PTPA: variants seen among roughly 807,000 people sequenced by gnomAD.
PTPA encodes the protein serine/threonine-protein phosphatase 2A activator.
A neutral mutation model predicts 43.6 loss-of-function variants in PTPA; 13 were observed. The ratio of observed to expected loss-of-function variants is 0.30; its 90% CI spans 0.19 to 0.47. The LOEUF is 0.47. PTPA is among the 20% of genes least tolerant of loss of function. The probability of loss-of-function intolerance (pLI) is 0.99; values close to 1 mark genes in which losing one functional copy is unlikely to be tolerated. For synonymous variants in PTPA, 172 were observed against 158.2 expected, an observed-to-expected ratio of 1.09 and a Z score of -0.66; for missense variants, 329 against 411.9, an observed-to-expected ratio of 0.80 and a Z score of 1.74.
chr9:129,124,933 C>T (rs1849480942), intron 3 of PTPA, among the ~76,000 whole-genome samples: 1 of 152,238 alleles, frequency 6.6e-6, no homozygotes, highest in Admixed American at 6.5e-5. Flanking sequence ...TGACCTAGGT[C>T]CTGTTCTGTC....
intron 1 of PTPA, among the ~76,000 whole-genome samples, chr9:129,113,049 G>A (rs1433102763): frequency 3.0e-5 from 4 of 134,114 alleles, no homozygotes; most frequent in African/African-American, 9.0e-5. Context: ...AACGATGGCT[G>A]ATGAGCTAAA....
chr9:129,119,568 G>C (rs1483329032), intron 1 of PTPA: 2 of 152,082 alleles, frequency 1.3e-5, no homozygotes, highest in African/African-American at 4.8e-5. Context: ...ACCACGCCTG[G>C]CTAATTTTTT....
At chr9:129,120,214 C>T (rs17508750) in intron 1 of PTPA, among the ~76,000 whole-genome samples, 15,324 of 151,226 alleles carry the variant, frequency 0.1, 2,521 homozygotes, top group African/African-American at 0.35. Flanking sequence ...GCTGAGATCG[C>T]GCCACTGCAC....
intron 9 of PTPA, among the ~76,000 whole-genome samples, chr9:129,145,471 T>G (rs1851235638): frequency 6.6e-6 from 1 of 152,126 alleles, no homozygotes; most frequent in Admixed American, 6.5e-5. Flanking sequence ...GGAGAGGGCT[T>G]GTTTTCTCAG....
intron 9 of PTPA, among the ~76,000 whole-genome samples, chr9:129,146,624 G>C (rs1173165810): frequency 6.6e-6 from 1 of 152,214 alleles, no homozygotes; most frequent in Non-Finnish European, 1.5e-5. Context: ...CGGCTCCTGT[G>C]AGAGCTAGTG....
upstream of PTPA, chr9:129,111,134 T>C (rs1210527713): frequency 7.7e-7 from 1 of 1,299,820 alleles, no homozygotes; most frequent in African/African-American, 1.5e-5. Context: ...TCCTCTAATA[T>C]TCCTTGGGTT....
chr9:129,144,498 G>A (rs2131631186), intron 9 of PTPA, among the ~76,000 whole-genome samples: 1 of 152,176 alleles, frequency 6.6e-6, no homozygotes, highest in African/African-American at 2.4e-5. Context: ...CAGCACTTTG[G>A]GAGGCCGAGG....
intron 3 of PTPA, among the ~76,000 whole-genome samples, chr9:129,126,127 C>A (rs1003990181): frequency 1.3e-5 from 2 of 151,728 alleles, no homozygotes; most frequent in African/African-American, 4.8e-5. Flanking sequence ...CCAGCCCAGG[C>A]GACAGTGCGA....
chr9:129,131,607 T>C lies in PTPA; in HGVS notation c.428T>C (p.Val143Ala). ...PEVAVYLKES[V>A]GNSTRIDYGT... is the part of the protein sequence containing the mutation. The stretch of plus-strand genomic sequence containing the variant: ...GTGGCTGTTTACCTAAAGGAGTCAG[T>C]GGGGAACTCCACGCGCATTGACTAC... The change falls in exon 5 of 10, where the codon GTG becomes GCG. Residue 143 changes from valine (V) to alanine (A), a missense_variant. Val to Ala is a moderately conservative substitution (Grantham distance 64). Coordinates refer to ENST00000393370, the MANE Select transcript of PTPA (RefSeq NM_178000.3). 2.5e-6 allele frequency: 4 copies of C among 1,614,146 alleles called. No homozygotes were observed. Among genetic ancestry groups the C allele is most frequent in the Non-Finnish European group, 3.4e-6 (4 of 1,180,004 alleles).
intron 1 of PTPA, among the ~76,000 whole-genome samples, chr9:129,112,356 A>G (rs1029162194): frequency 2.0e-5 from 3 of 152,150 alleles, no homozygotes; most frequent in African/African-American, 7.2e-5. Context: ...TTGCCGACCT[A>G]CCTTGAACTA....
At chr9:129,125,668 T>C (rs963859797) in intron 3 of PTPA, among the ~76,000 whole-genome samples, 7 of 152,130 alleles carry the variant, frequency 4.6e-5, no homozygotes, top group African/African-American at 1.7e-4. Context: ...TGTTTCCTCA[T>C]CTGTAGAGTG....
At chr9:129,120,777 T>A in intron 2 of PTPA, 167 bp downstream of exon 2, 1 of 618,050 alleles carries the variant, frequency 1.6e-6, no homozygotes, top group Non-Finnish European at 2.8e-6. Context: ...TCAGAGGCAG[T>A]ACTCAGAGAT....
intron 1 of PTPA, among the ~76,000 whole-genome samples, chr9:129,118,845 T>G (rs1849065660): frequency 6.7e-6 from 1 of 150,332 alleles, no homozygotes; most frequent in Non-Finnish European, 1.5e-5. Context: ...ATTAAACACC[T>G]TTGTGTTTCC....
At chr9:129,132,788 G>A (rs904178350) in intron 5 of PTPA, among the ~76,000 whole-genome samples, 14 of 152,278 alleles carry the variant, frequency 9.2e-5, no homozygotes, top group African/African-American at 3.1e-4. Context: ...GTGAGCCACT[G>A]CGCCCAGCTG....
chr9:129,118,572 T>C (rs1054458260), intron 1 of PTPA, among the ~76,000 whole-genome samples: 2 of 152,172 alleles, frequency 1.3e-5, no homozygotes, highest in South Asian at 4.2e-4. Flanking sequence ...GGGGTTTCAC[T>C]ATGTTGGTCA....
At position 129,147,518 on chromosome 9, in the gene PTPA, C is replaced by A. The variant is rs1489023071; in HGVS notation, c.*54C>A. ...CCACAGTTCCTGTGCCTGCCTTCCC[C>A]ACCCCAGCAGTGGCCCCTCCCCATC... On this transcript the variant is annotated 3_prime_UTR_variant, in exon 10 of 10. Coordinates refer to ENST00000393370, the MANE Select transcript of PTPA (RefSeq NM_178000.3). 4 of 1,558,858 alleles carry A rather than the reference C, an allele frequency of 2.6e-6. No individual in the cohort carries two copies. The highest frequency in any genetic ancestry group is 2.6e-6 in the Non-Finnish European group (3 of 1,134,760).
intron 5 of PTPA, among the ~76,000 whole-genome samples, chr9:129,132,541 C>T (rs1252329465): frequency 2.0e-5 from 3 of 152,140 alleles, no homozygotes; most frequent in Non-Finnish European, 4.4e-5. Flanking sequence ...CACTCTGTTG[C>T]CCAGGCTGGA....
rs771018773 is a variant in PTPA at position 129,131,475 on chromosome 9, A to C, written c.343-47A>C. 8.9e-6 allele frequency: 14 copies of C among 1,569,442 alleles called. No homozygotes were observed. The Admixed American group carries it at 1.2e-4, about 13-fold the overall frequency. ...TGCCCCTGGGCACCTGCCCACTGGG[A>C]TGCTGCTTAATATGCTGCCACCACT... On this transcript the variant is annotated intron_variant, in intron 4 of 9. Coordinates refer to ENST00000393370, the MANE Select transcript of PTPA (RefSeq NM_178000.3).
At chr9:129,131,455 C>T in intron 4 of PTPA, 67 bp from the exon 5 acceptor site, 5 of 1,442,184 alleles carry the variant, frequency 3.5e-6, no homozygotes, top group Non-Finnish European at 4.9e-6. Context: ...GGTGCTGCCC[C>T]TGGGCACCTG....
Sources: gnomAD v4.1 joint callset for allele counts (sites outside exome capture counted in the v4.1 genomes callset) on GRCh38, gnomAD v4.1.1 for gene constraint, MANE v1.5 for transcripts, NCBI Gene and HGNC (gene_info 2026-07-23, HGNC 2026-07-21) for gene names.